The following MUC4 variants were observed in gnomAD, a reference collection of about 807,000 sequenced individuals.
MUC4 encodes the protein mucin 4, cell surface associated.
A neutral mutation model predicts 257.9 loss-of-function variants in MUC4; 202 were observed. That is an observed-to-expected ratio of 0.78 (90% confidence interval 0.70 to 0.88). The LOEUF (loss-of-function observed/expected upper bound fraction) is 0.88, where lower values mean the gene tolerates loss of function less well. Ranked by LOEUF, MUC4 falls within the 40% of genes least tolerant of loss-of-function variation. The pLI is 0.00. For missense variants in MUC4, 5,976 were observed against 6,513.7 expected, an observed-to-expected ratio of 0.92 and a Z score of 2.84; for synonymous variants, 2,351 against 2,757.1, an observed-to-expected ratio of 0.85 and a Z score of 4.62.
intron 3 of MUC4, among the ~76,000 whole-genome samples, chr3:195,775,530 CCATACCTTCCACAGT>C (rs1417783626): frequency 1.5e-4 from 14 of 94,056 alleles, no homozygotes; most frequent in African/African-American, 6.9e-4. Flanking sequence ...CCTTCCACAC[CCATACCTTCCACAGT>C]CATACCTTCC....
intron 12 of MUC4, among the ~76,000 whole-genome samples, 186 bp from the exon 13 acceptor site, chr3:195,763,131 C>G (rs980581056): frequency 6.6e-6 from 1 of 152,250 alleles, no homozygotes; most frequent in African/African-American, 2.4e-5. Flanking sequence ...GCATGGTTTT[C>G]GGATTATGCC....
chr3:195,759,328 T>C, intron 16 of MUC4, 67 bp from the exon 17 acceptor site: 5 of 1,578,130 alleles, frequency 3.2e-6, no homozygotes, highest in South Asian at 1.1e-5. Flanking sequence ...GCCTCCTCTC[T>C]TTCTCAACTC....
chr3:195,747,043 T>C lies in MUC4; in HGVS notation c.*133A>G. 2.4e-6 allele frequency: 3 copies of C among 1,242,710 alleles called. No individual in the cohort carries two copies. Among genetic ancestry groups the C allele is most frequent in the Non-Finnish European group, 3.4e-6 (3 of 871,850 alleles). 77.0% of individuals were successfully genotyped at this position (1,242,710 alleles called of 1,614,324 possible). On this transcript the variant is annotated 3_prime_UTR_variant, in exon 25 of 25. Transcript: ENST00000463781. ...GGTATAGTCTTGTCTTGATTCCCAG[T>C]ATTCATTCTCCTTGAAGAATCCTGA... is the stretch of plus-strand genomic sequence containing the variant.
chr3:195,809,080 A>G (rs1271607749), intron 1 of MUC4, among the ~76,000 whole-genome samples: 1 of 152,200 alleles, frequency 6.6e-6, no homozygotes, highest in Admixed American at 6.5e-5. Context: ...CAGGACGGCC[A>G]GGCTTCCTTC....
At chr3:195,754,019 C>G (rs114789211) in intron 19 of MUC4, 194 bp downstream of exon 19, 54,769 of 707,202 alleles carry the variant, frequency 0.077, 2,516 homozygotes, top group Middle Eastern at 0.21. Context: ...CACCCCCTTT[C>G]CAGGCCTGCC....
chr3:195,757,054 C>T lies in MUC4; in HGVS notation c.15168+93G>A. The T allele has an allele frequency of 2.2e-6, 3 of 1,339,644 alleles. No individual in the cohort carries two copies. The highest frequency in any genetic ancestry group is 2.7e-4 in the Middle Eastern group (1 of 3,656). 83.0% of individuals were successfully genotyped at this position (1,339,644 alleles called of 1,614,324 possible). A position where few individuals can be genotyped will look rare whatever the true frequency, so the allele number is the denominator to read the frequency against. On this transcript the variant is annotated intron_variant, in intron 18 of 24. Transcript: ENST00000463781. The surrounding 1 kb of genome is among the most constrained non-coding windows in gnomAD (Gnocchi z 4.8). The stretch of plus-strand genomic sequence containing the variant: ...TGCTCCACCCATCTCCCAACACAGA[C>T]ACACCCAGGACAGGCAGAATCACAG...
intron 7 of MUC4, among the ~76,000 whole-genome samples, chr3:195,767,799 CCAT>C (rs1184585491): frequency 2.6e-3 from 328 of 127,178 alleles, no homozygotes; most frequent in Non-Finnish European, 3.8e-3. Context: ...ATTGCCACCA[CCAT>C]CATCACCACC....
chr3:195,762,726 GCCCGGCCCTGCACCACAACGCA>G (rs1203989596), intron 13 of MUC4, 107 bp downstream of exon 13: 64 of 665,850 alleles, frequency 9.6e-5, no homozygotes, highest in East Asian at 2.4e-4. Flanking sequence ...ACCGCCACGC[GCCCGGCCCTGCACCACAACGCA>G]CCCGGCCCTG....
At chr3:195,797,715 C>T (rs965665172) in intron 1 of MUC4, among the ~76,000 whole-genome samples, 3 of 152,106 alleles carry the variant, frequency 2.0e-5, no homozygotes, top group African/African-American at 7.2e-5. Context: ...TGAAACAAGC[C>T]TATGGTTATT....
At chr3:195,797,266 T>TTTAAA (rs1734687490) in intron 1 of MUC4, among the ~76,000 whole-genome samples, 1 of 149,586 alleles carries the variant, frequency 6.7e-6, no homozygotes, top group South Asian at 2.1e-4. Flanking sequence ...GGACTCTATC[T>TTTAAA]TAAATAAATA....
Position 195,785,579 on chromosome 3 carries a change from G to T in MUC4, c.6001C>A (p.Leu2001Ile), listed in dbSNP as rs749101997. The change falls in exon 2 of 25, where the codon CTT (leucine) becomes ATT (isoleucine). Residue 2001 changes from leucine (L) to isoleucine (I), a missense_variant. Around this residue, in one of 44 missense-constraint regions of MUC4, gnomAD observed 51 missense variants for 45.1 expected, o/e 1.13. Transcript: ENST00000463781. ...SSVSTGHATP[L>I]PVTDTSSVST... ...ACTGAGGAAGTGTCGGTGACCGGAA[G>T]AGGGGTGGCATGACCTGTGGACACT... The T allele has an allele frequency of 6.5e-7, 1 of 1,534,242 alleles. No individual in the cohort carries two copies.
intron 1 of MUC4, among the ~76,000 whole-genome samples, chr3:195,808,622 G>A (rs563136256): frequency 6.6e-6 from 1 of 152,346 alleles, no homozygotes; most frequent in African/African-American, 2.4e-5. Context: ...AGACTCCAGA[G>A]CCAAAAGGCG....
rs956031671 is a variant in MUC4, at chr3:195,763,074, C to T, written c.14254-129G>A. ...GGGAGGAAGGCGCTGGAGGCCGCGG[C>T]CTGAGGTGATGCCAGCCGCCGTCTA... On this transcript the variant is annotated intron_variant, in intron 12 of 24. Coordinates refer to ENST00000463781, the MANE Select transcript of MUC4 (RefSeq NM_018406.7). The T allele has an allele frequency of 7.2e-5, 56 of 778,996 alleles. No individual in the cohort carries two copies. The Middle Eastern group carries it at 9.4e-4, about 13-fold the overall frequency. The allele number at this position is 778,996 out of a possible 1,614,324, so 48.3% of individuals were successfully genotyped here. A position where few individuals can be genotyped will look rare whatever the true frequency, so the allele number is the denominator to read the frequency against.
At chr3:195,776,546 A>G (rs534691972) in intron 3 of MUC4, among the ~76,000 whole-genome samples, 464 of 2,590 alleles carry the variant, frequency 0.18, 82 homozygotes, top group Non-Finnish European at 0.21. Context: ...CATACCTTCC[A>G]CACCCATACC....
rs142104174 is a variant in MUC4 at position 195,778,744 on chromosome 3, C to G, written c.12790+46G>C. 1,509 of 1,547,706 alleles carry G rather than the reference C, an allele frequency of 9.7e-4. 19 individuals are homozygous for G. The East Asian group carries it at 0.023, about 23-fold the overall frequency. On this transcript the variant is annotated intron_variant, in intron 2 of 24. Coordinates refer to ENST00000463781, the MANE Select transcript of MUC4 (RefSeq NM_018406.7). ...AGGTACTCCTTAGGCTGAATTCCGC[C>G]AAGGGGCCCACTGGGAGACATAAAG...
Position 195,756,402 on chromosome 3 carries a change from G to A in MUC4, c.15168+745C>T, listed in dbSNP as rs368015860. ...CTGGGCTTCGCCGCAGAGCTGTGGG[G>A]CGCTGTGAGAAAGACGGAGGTGGAA... is the stretch of plus-strand genomic sequence containing the variant. On this transcript the variant is annotated intron_variant, in intron 18 of 24. Transcript: ENST00000463781. Among the ~76,000 whole-genome samples, 19 of 152,344 alleles carry A rather than the reference G, an allele frequency of 1.2e-4. No individual in the cohort carries two copies. The East Asian group carries it at 2.5e-3, about 20-fold the overall frequency.
chr3:195,758,667 A>C (rs1349810396), intron 17 of MUC4, among the ~76,000 whole-genome samples: 1 of 147,196 alleles, frequency 6.8e-6, no homozygotes, highest in East Asian at 2.0e-4. Flanking sequence ...GGTTCAAGCG[A>C]TTCTCCTGCC....
intron 5 of MUC4, chr3:195,771,010 C>G: frequency 2.9e-6 from 1 of 341,940 alleles, no homozygotes; most frequent in Non-Finnish European, 5.9e-6. Context: ...CCTGGTCAGT[C>G]TCGTGGTTGG....
rs1466357934 is a variant in MUC4, at chr3:195,755,934, T to C, written c.15168+1213A>G. Among the ~76,000 whole-genome samples, 1 of 152,200 alleles carries C rather than the reference T, an allele frequency of 6.6e-6. No individual in the cohort carries two copies. Among genetic ancestry groups the C allele is most frequent in the Middle Eastern group, 3.4e-3 (1 of 294 alleles). ...AGTTTTGTGTTGCCAGATAAACACTTTCCTTTCTGGCTCTTCCTTTACAAC... is the reference window on the plus strand; with the variant it reads ...AGTTTTGTGTTGCCAGATAAACACTCTCCTTTCTGGCTCTTCCTTTACAAC... On this transcript the variant is annotated intron_variant, in intron 18 of 24. Coordinates refer to ENST00000463781, the MANE Select transcript of MUC4 (RefSeq NM_018406.7). This position sits in a 1 kb window ranked among gnomAD's most constrained non-coding sequence, Gnocchi z 5.0.
Sources: gnomAD v4.1 joint callset for allele counts (sites outside exome capture counted in the v4.1 genomes callset) on GRCh38, gnomAD v4.1.1 for gene constraint, gnomAD v4.1.1 regional missense constraint, Gnocchi (gnomAD v3.1) non-coding constraint, MANE v1.5 for transcripts, NCBI Gene and HGNC (gene_info 2026-07-23, HGNC 2026-07-21) for gene names.